MYO19: variants seen among roughly 807,000 people sequenced by gnomAD.
MYO19 encodes the protein myosin XIX, also known as unconventional myosin-XIX.
A neutral mutation model predicts 129.2 loss-of-function variants in MYO19; 132 were observed. The observed-to-expected ratio is 1.02, with a 90% CI of 0.89 to 1.18. The LOEUF (loss-of-function observed/expected upper bound fraction) is 1.18, where lower values mean the gene tolerates loss of function less well. Ranked by LOEUF, MYO19 falls within the 50% of genes most tolerant of loss-of-function variation. The probability of loss-of-function intolerance (pLI) is 0.00; values close to 1 mark genes in which losing one functional copy is unlikely to be tolerated. For synonymous variants in MYO19, 531 were observed against 477.2 expected (o/e 1.11, Z -1.47); for missense variants, 1,210 against 1,216.7 (o/e 0.99, Z 0.08).
chr17:36,512,196 A>AACACACACACACACACAC (rs57765074), intron 11 of MYO19, among the ~76,000 whole-genome samples: 12 of 138,214 alleles, frequency 8.7e-5, no homozygotes, highest in South Asian at 2.3e-4. Context: ...ACTAAAAATA[A>AACACACACACACACACAC]ACACACACAC....
intron 3 of MYO19, among the ~76,000 whole-genome samples, chr17:36,531,940 G>A (rs2073860061): frequency 6.6e-6 from 1 of 152,238 alleles, no homozygotes; most frequent in South Asian, 2.1e-4. Context: ...CATGAAGGAT[G>A]ATATGGGTAT....
At chr17:36,544,548 C>T (rs1465792263), upstream of MYO19, among the ~76,000 whole-genome samples, 1 of 152,242 alleles carries the variant, frequency 6.6e-6, no homozygotes, top group Non-Finnish European at 1.5e-5. Flanking sequence ...CCGAATCAGA[C>T]GGGCTTGACT....
intron 11 of MYO19, chr17:36,512,668 C>T (rs1466629228): frequency 7.0e-6 from 9 of 1,289,010 alleles, no homozygotes; most frequent in Non-Finnish European, 9.1e-6. Context: ...CTGGCAGTGT[C>T]TGAGCAGCCC....
rs142995319 is a variant in MYO19 at position 36,521,249 on chromosome 17, C to T, written c.414+3979G>A. ...CTTGTACGTAAACACAGATTCTAAT[C>T]AGTTGTTTAATGCCTTATTTTAAAT... On this transcript the variant is annotated intron_variant, in intron 6 of 25. Coordinates refer to ENST00000614623, the MANE Select transcript of MYO19 (RefSeq NM_001163735.2). Among the ~76,000 whole-genome samples the T allele has an allele frequency of 4.6e-3, 696 of 152,262 alleles. 5 individuals are homozygous for T. Among genetic ancestry groups the T allele is most frequent in the African/African-American group, 0.016 (657 of 41,518 alleles).
At chr17:36,534,988 C>G (rs2142571719), upstream of MYO19, 1 of 152,480 alleles carries the variant, frequency 6.6e-6, no homozygotes, top group East Asian at 1.9e-4. Context: ...GGGGCGAGCA[C>G]TCGCGGCGCG....
At chr17:36,520,522 G>GTT (rs962201563) in intron 6 of MYO19, among the ~76,000 whole-genome samples, 1 of 151,554 alleles carries the variant, frequency 6.6e-6, no homozygotes, top group African/African-American at 2.4e-5. Flanking sequence ...TTATACGTGG[G>GTT]TTTTTTTTCA....
intron 6 of MYO19, among the ~76,000 whole-genome samples, chr17:36,517,156 T>C (rs1006162117): frequency 3.9e-5 from 6 of 152,260 alleles, no homozygotes; most frequent in Admixed American, 6.5e-5. Flanking sequence ...AAATATTATC[T>C]TAATCTGTAA....
upstream of MYO19, chr17:36,538,286 G>C (rs757548701): frequency 7.4e-6 from 12 of 1,613,222 alleles, no homozygotes; most frequent in Non-Finnish European, 1.0e-5. Context: ...ATATAATTTT[G>C]AGTTTTGCCA....
In MYO19 at chr17:36,500,849, G is replaced by T. The variant is rs201331709; in HGVS notation, c.2358C>A (p.Ala786=). ...RHREQERQWR[A]VMLIQAAIRS... Reference sequence around the variant, plus strand: ...ACCTACCTGCCTGGATGAGCATGACGGCCCGCCACTGCCGCTCCTGCTCTC... The same window carrying T: ...ACCTACCTGCCTGGATGAGCATGACTGCCCGCCACTGCCGCTCCTGCTCTC... The change falls in exon 23 of 26, where the codon GCC becomes GCA. Residue 786 remains alanine, a synonymous_variant. Transcript: ENST00000614623. The T allele has an allele frequency of 6.3e-7, 1 of 1,598,682 alleles. No homozygotes were observed. The highest frequency in any genetic ancestry group is 8.5e-7 in the Non-Finnish European group (1 of 1,176,906).
chr17:36,503,148 G>A lies in MYO19; in HGVS notation c.2029C>T (p.Pro677Ser). ...ERYKLLRRLH[P>S]CTSSGPDSPY... ...CTGTCGGGGCCAGAGGATGTGCAAG[G>A]ATGAAGCCTTCTTAGTAACTTGTAT... The change falls in exon 21 of 26, where the codon CCT (proline) becomes TCT (serine). Residue 677 changes from proline to serine, a missense_variant. Transcript: ENST00000614623. 1 of 1,614,040 alleles carries A rather than the reference G, an allele frequency of 6.2e-7. No individual in the cohort carries two copies. Among genetic ancestry groups the A allele is most frequent in the Non-Finnish European group, 8.5e-7 (1 of 1,179,902 alleles).
chr17:36,517,054 T>C (rs1373320767), intron 6 of MYO19, among the ~76,000 whole-genome samples: 1 of 152,232 alleles, frequency 6.6e-6, no homozygotes, highest in East Asian at 1.9e-4. Context: ...TCAGGTTCTT[T>C]TTCTTCTTGT....
In MYO19 at chr17:36,507,457, T is replaced by C. The variant is rs754035491; in HGVS notation, c.1409A>G (p.Gln470Arg). 11 of 1,613,660 alleles carry C rather than the reference T, an allele frequency of 6.8e-6. No homozygotes were observed. Among genetic ancestry groups the C allele is most frequent in the East Asian group, 6.7e-5 (3 of 44,878 alleles). ...TCCCTCAATGAGATCCAAACAGGGC[T>C]GGTTGTCCTGGTAGTTGATGAATGA... ...EWSFINYQDN[Q>R]PCLDLIEGSP... Residue 470 changes from glutamine (Q) to arginine (R), a missense_variant, in exon 16 of 26, where the codon CAG becomes CGG. Coordinates refer to ENST00000614623, the MANE Select transcript of MYO19 (RefSeq NM_001163735.2).
chr17:36,512,632 G>A (rs1599309556), intron 11 of MYO19: 1 of 1,288,238 alleles, frequency 7.8e-7, no homozygotes, highest in African/African-American at 1.5e-5. Flanking sequence ...TTGTCCCCAG[G>A]TACTGTCCTT....
Position 36,496,426 on chromosome 17 carries a change from G to A in MYO19, c.2758-20C>T. 1.2e-6 allele frequency: 2 copies of A among 1,613,190 alleles called. No individual in the cohort carries two copies. Among genetic ancestry groups the A allele is most frequent in the Non-Finnish European group, 1.7e-6 (2 of 1,179,394 alleles). On this transcript the variant is annotated intron_variant, in intron 25 of 25. Coordinates refer to ENST00000614623, the MANE Select transcript of MYO19 (RefSeq NM_001163735.2). The stretch of plus-strand genomic sequence containing the variant: ...CGATCCCTAGAGGGGAGAGAGAGAT[G>A]CAGCTTTAGCACTAGTTCCTGGGAG...
At chr17:36,540,159 TAAGA>T (rs1389651763) in intron 2 of MYO19, among the ~76,000 whole-genome samples, 2 of 151,922 alleles carry the variant, frequency 1.3e-5, no homozygotes, top group Non-Finnish European at 2.9e-5. Flanking sequence ...GGAGAACCAA[TAAGA>T]AAGATGAGAG....
At chr17:36,538,619 A>G (rs560069434), upstream of MYO19, 45 of 1,574,780 alleles carry the variant, frequency 2.9e-5, 1 homozygote, top group South Asian at 5.0e-4. Context: ...TTTGGTGATC[A>G]GCAGGAGTAG....
At chr17:36,506,211 G>C (rs943221942) in intron 18 of MYO19, among the ~76,000 whole-genome samples, 5 of 152,126 alleles carry the variant, frequency 3.3e-5, no homozygotes, top group African/African-American at 1.2e-4. Flanking sequence ...CCAGTGGCAG[G>C]GGGTGAGAGG....
intron 6 of MYO19, among the ~76,000 whole-genome samples, chr17:36,522,833 C>T (rs551769342): frequency 1.6e-4 from 25 of 151,990 alleles, no homozygotes; most frequent in Non-Finnish European, 3.1e-4. Flanking sequence ...CAGTGAAACC[C>T]GTCTCTACTA....
rs1472504407 is a variant in MYO19, at chr17:36,503,140, T to C, written c.2037A>G (p.Thr679=). The C allele has an allele frequency of 1.2e-6, 2 of 1,613,990 alleles. No individual in the cohort carries two copies. The highest frequency in any genetic ancestry group is 2.2e-5 in the East Asian group (1 of 44,882). ...GATATGGGCTGTCGGGGCCAGAGGA[T>C]GTGCAAGGATGAAGCCTTCTTAGTA... ...YKLLRRLHPC[T]SSGPDSPYPA... is the part of the protein sequence containing the mutation. The change falls in exon 21 of 26, where the codon ACA becomes ACG. Residue 679 remains threonine, a synonymous_variant. Coordinates refer to ENST00000614623, the MANE Select transcript of MYO19 (RefSeq NM_001163735.2).
Sources: allele counts gnomAD v4.1 joint callset (sites outside exome capture counted in the v4.1 genomes callset), GRCh38; gene constraint gnomAD v4.1.1; transcripts MANE v1.5; gene names NCBI Gene and HGNC (gene_info 2026-07-23, HGNC 2026-07-21).